The following CDYL variants were observed in gnomAD, a reference collection of about 807,000 sequenced individuals.
CDYL encodes chromodomain Y-like protein.
A neutral mutation model predicts 47.3 loss-of-function variants in CDYL; 8 were observed. The observed-to-expected ratio is 0.17, with a 90% CI of 0.10 to 0.31. The LOEUF (loss-of-function observed/expected upper bound fraction) is 0.31. CDYL is among the 10% of genes least tolerant of loss of function. The pLI is 1.00. For synonymous variants in CDYL, 266 were observed against 265.0 expected, an observed-to-expected ratio of 1.00 and a Z score of -0.04; for missense variants, 471 against 701.4, an observed-to-expected ratio of 0.67 and a Z score of 3.71.
At chr6:4,792,202 G>C (rs2127435239) in intron 1 of CDYL, among the ~76,000 whole-genome samples, 1 of 151,824 alleles carries the variant, frequency 6.6e-6, no homozygotes, top group Admixed American at 6.6e-5. Context: ...AGGAATTGTA[G>C]AATTTTATAT....
At chr6:4,864,973 A>G (rs1761277524) in intron 1 of CDYL, among the ~76,000 whole-genome samples, 1 of 152,224 alleles carries the variant, frequency 6.6e-6, no homozygotes, top group Non-Finnish European at 1.5e-5. Context: ...TTTCTCTTCA[A>G]AGAATCAGTA....
intron 3 of CDYL, among the ~76,000 whole-genome samples, chr6:4,936,042 G>A (rs1184650808): frequency 6.6e-6 from 1 of 152,196 alleles, no homozygotes; most frequent in Non-Finnish European, 1.5e-5. Context: ...CTGTGCCTCT[G>A]TGGTTCACCT....
rs4960045 is a variant in CDYL at position 4,889,100 on chromosome 6, C to T, written c.25-2613C>T. ...CCTTGTCAGACTTGCATAATGTTTC[C>T]ATCACAATAATTAATGGAGCAGTTT... On this transcript the variant is annotated intron_variant, in intron 1 of 6. Transcript: ENST00000397588. 9.9e-3 allele frequency among the ~76,000 whole-genome samples: 1,514 copies of T among 152,266 alleles called. 11 individuals are homozygous for T. Among genetic ancestry groups the T allele is most frequent in the Admixed American group, 0.013 (198 of 15,296 alleles).
chr6:4,935,826 C>T (rs1758175246), intron 3 of CDYL, 55 bp downstream of exon 3: 1 of 1,603,602 alleles, frequency 6.2e-7, no homozygotes, highest in Admixed American at 1.7e-5. Context: ...GCCTGATTTC[C>T]AGGCCTGCCT....
chr6:4,914,205 CTTT>C (rs11373981), intron 2 of CDYL, among the ~76,000 whole-genome samples: 3 of 137,392 alleles, frequency 2.2e-5, no homozygotes, highest in Admixed American at 7.2e-5. Flanking sequence ...TGAAAGAGTT[CTTT>C]TTTTTTTTTT....
intron 1 of CDYL, among the ~76,000 whole-genome samples, chr6:4,888,792 T>C (rs954689106): frequency 6.6e-6 from 1 of 152,218 alleles, no homozygotes; most frequent in Admixed American, 6.5e-5. Flanking sequence ...CTGTATTCCA[T>C]AAGTTTTGGT....
chr6:4,855,558 G>T (rs914688161), intron 1 of CDYL, among the ~76,000 whole-genome samples: 6 of 151,990 alleles, frequency 3.9e-5, no homozygotes, highest in African/African-American at 1.5e-4. Flanking sequence ...ATGCACCCAC[G>T]ATTTTTCACA....
chr6:4,845,172 A>G (rs572456402), intron 1 of CDYL, among the ~76,000 whole-genome samples: 2 of 152,360 alleles, frequency 1.3e-5, no homozygotes, highest in Admixed American at 6.5e-5. Context: ...GATTTCAACA[A>G]TTGCAGTTTG....
At chr6:4,918,412 A>G (rs1443742932) in intron 2 of CDYL, among the ~76,000 whole-genome samples, 2 of 151,424 alleles carry the variant, frequency 1.3e-5, no homozygotes, top group South Asian at 2.1e-4. Flanking sequence ...ACATTATAAC[A>G]TAAAGGTTGT....
At chr6:4,800,087 T>A (rs1340235259) in intron 1 of CDYL, among the ~76,000 whole-genome samples, 1 of 152,200 alleles carries the variant, frequency 6.6e-6, no homozygotes, top group East Asian at 1.9e-4. Context: ...TAGTCAGTTC[T>A]TGCCTTTTTA....
chr6:4,738,946 G>A (rs1438801464), intron 3 of CDYL, among the ~76,000 whole-genome samples: 1 of 152,156 alleles, frequency 6.6e-6, no homozygotes, highest in Admixed American at 6.5e-5. Flanking sequence ...CAGATCACCT[G>A]AGGTTGGGAG....
chr6:4,738,136 GA>G (rs1433052605), intron 3 of CDYL, among the ~76,000 whole-genome samples: 21 of 152,176 alleles, frequency 1.4e-4, no homozygotes, highest in Admixed American at 1.4e-3. Flanking sequence ...AGCACTTTGG[GA>G]GGCCAAGGCA....
chr6:4,740,474 A>G (rs958359569), intron 3 of CDYL, among the ~76,000 whole-genome samples: 4 of 152,140 alleles, frequency 2.6e-5, no homozygotes, highest in African/African-American at 9.7e-5. Flanking sequence ...ACCACAAAGA[A>G]CCATCTGGTC....
At chr6:4,934,926 G>T (rs761297887) in intron 2 of CDYL, among the ~76,000 whole-genome samples, 62 of 152,262 alleles carry the variant, frequency 4.1e-4, no homozygotes, top group African/African-American at 1.4e-3. Flanking sequence ...AAAAAGGAGT[G>T]GAACTGGAAC....
intron 1 of CDYL, among the ~76,000 whole-genome samples, chr6:4,875,784 T>G (rs1272005355): frequency 1.3e-5 from 2 of 152,224 alleles, no homozygotes; most frequent in African/African-American, 4.8e-5. Flanking sequence ...TGAAAAGTTA[T>G]TCAGTGAATG....
rs371791079 is a variant in CDYL at position 4,750,844 on chromosome 6, TTTTTTCTTTTC to T, written c.186+16006_186+16016del. Among the ~76,000 whole-genome samples the T allele has an allele frequency of 2.1e-3, 323 of 151,510 alleles. 5 individuals are homozygous for T. The highest frequency in any genetic ancestry group is 0.011 in the East Asian group (57 of 5,160). On this transcript the variant is annotated intron_variant, in intron 3 of 8. Coordinates refer to the CDYL transcript ENST00000328908. ...TGGCTTTGAGCAAAATACTCTTTTCTTTTTTCTTTTCTTTTTTTTTTTTTTTAAGATGGAGT... is the reference window on the plus strand; with the variant it reads ...TGGCTTTGAGCAAAATACTCTTTTCTTTTTTTTTTTTTTTTAAGATGGAGT...
At chr6:4,758,411 A>G (rs1195174502) in intron 3 of CDYL, among the ~76,000 whole-genome samples, 1 of 149,658 alleles carries the variant, frequency 6.7e-6, no homozygotes, top group Non-Finnish European at 1.5e-5. Context: ...CTGTAATCCC[A>G]GCACTTTGGG....
intron 1 of CDYL, among the ~76,000 whole-genome samples, chr6:4,856,710 C>G (rs1419145249): frequency 1.3e-5 from 2 of 152,164 alleles, no homozygotes; most frequent in Non-Finnish European, 2.9e-5. Context: ...GCCCAGAACT[C>G]TGATGGGGAA....
At chr6:4,760,332 G>A (rs1758155299) in intron 3 of CDYL, among the ~76,000 whole-genome samples, 1 of 144,826 alleles carries the variant, frequency 6.9e-6, no homozygotes, top group South Asian at 2.2e-4. Flanking sequence ...GCAAAGAGTA[G>A]TTATGCATTC....
Sources: gnomAD v4.1 joint callset for allele counts (sites outside exome capture counted in the v4.1 genomes callset) on GRCh38, gnomAD v4.1.1 for gene constraint, MANE v1.5 for transcripts, NCBI Gene and HGNC (gene_info 2026-07-23, HGNC 2026-07-21) for gene names.